ARHGAP10: variants seen among roughly 807,000 people sequenced by gnomAD.
ARHGAP10 encodes rho GTPase-activating protein 10.
A neutral mutation model predicts 108.6 loss-of-function variants in ARHGAP10; 87 were observed. The observed-to-expected ratio is 0.80, with a 90% CI of 0.67 to 0.96. The LOEUF (loss-of-function observed/expected upper bound fraction) is 0.96, where lower values mean the gene tolerates loss of function less well. Ranked by LOEUF, ARHGAP10 falls within the 40% of genes least tolerant of loss-of-function variation. The probability of loss-of-function intolerance (pLI) is 0.00; values close to 1 mark genes in which losing one functional copy is unlikely to be tolerated. For synonymous variants in ARHGAP10, 347 were observed against 341.1 expected, an observed-to-expected ratio of 1.02 and a Z score of -0.19; for missense variants, 939 against 954.5, an observed-to-expected ratio of 0.98 and a Z score of 0.21.
chr4:147,987,319 G>C (rs560733443), intron 18 of ARHGAP10, among the ~76,000 whole-genome samples: 1 of 152,192 alleles, frequency 6.6e-6, no homozygotes, highest in African/African-American at 2.4e-5. Flanking sequence ...TTGTAGAGAA[G>C]TTTTTAAAAA....
chr4:147,810,973 A>T (rs935580456), intron 1 of ARHGAP10, among the ~76,000 whole-genome samples: 2 of 152,186 alleles, frequency 1.3e-5, no homozygotes, highest in Non-Finnish European at 2.9e-5. Context: ...CCCTTCGGGG[A>T]CAAGTTTAGC....
chr4:147,902,358 T>G (rs919787241), intron 10 of ARHGAP10, among the ~76,000 whole-genome samples: 1 of 152,176 alleles, frequency 6.6e-6, no homozygotes, highest in Non-Finnish European at 1.5e-5. Context: ...TAGGATAAAT[T>G]AAATCCTTAG....
chr4:147,746,223 C>T (rs1728915038), intron 1 of ARHGAP10, among the ~76,000 whole-genome samples: 1 of 152,080 alleles, frequency 6.6e-6, no homozygotes, highest in South Asian at 2.1e-4. Flanking sequence ...TCTGCCTCAG[C>T]CTCCCGAGTA....
At chr4:147,893,791 T>C (rs980133372) in intron 10 of ARHGAP10, among the ~76,000 whole-genome samples, 2 of 152,012 alleles carry the variant, frequency 1.3e-5, no homozygotes, top group Admixed American at 6.6e-5. Flanking sequence ...GCAAAGTAAG[T>C]TATTTTAACA....
intron 13 of ARHGAP10, among the ~76,000 whole-genome samples, chr4:147,928,491 G>A (rs879921970): frequency 6.6e-6 from 1 of 152,152 alleles, no homozygotes; most frequent in Non-Finnish European, 1.5e-5. Flanking sequence ...ACAGAAATGC[G>A]TTTACACAAA....
Position 147,928,477 on chromosome 4 carries a change from C to T in ARHGAP10, c.1229-11348C>T, listed in dbSNP as rs567580171. ...CTGCTGGTGGGGAGGCTAATCATCA[C>T]AATACAGAAATGCGTTTACACAAAG... is the stretch of plus-strand genomic sequence containing the variant. On this transcript the variant is annotated intron_variant, in intron 13 of 22. Coordinates refer to ENST00000336498, the MANE Select transcript of ARHGAP10 (RefSeq NM_024605.4). Among the ~76,000 whole-genome samples the T allele has an allele frequency of 2.6e-5, 4 of 152,180 alleles. No homozygotes were observed. In the South Asian group the frequency reaches 8.3e-4, roughly 32 times the overall value.
chr4:147,982,854 C>T (rs549524271), intron 18 of ARHGAP10, among the ~76,000 whole-genome samples: 2 of 152,098 alleles, frequency 1.3e-5, no homozygotes, highest in African/African-American at 4.8e-5. Context: ...TACATAATCT[C>T]GTATTTCTCA....
In ARHGAP10 at chr4:148,047,055, A is replaced by G. The variant is rs1323129369; in HGVS notation, c.2027+4A>G. 4 of 1,613,502 alleles carry G rather than the reference A, an allele frequency of 2.5e-6. 1 individual carries two copies. In the South Asian group the frequency reaches 4.4e-5, roughly 18 times the overall value. ...TTGGAGACTGGGCATCCACTATGTA[A>G]GTAACCGTGCTTCTGTTGGGTGCTG... On this transcript the variant is annotated splice_donor_region_variant and intron_variant, in intron 20 of 22. Transcript: ENST00000336498.
chr4:147,856,281 T>C (rs934652619), intron 4 of ARHGAP10, among the ~76,000 whole-genome samples: 12 of 152,368 alleles, frequency 7.9e-5, no homozygotes, highest in African/African-American at 2.9e-4. Flanking sequence ...GAAATGTTTG[T>C]GATGTTAACC....
chr4:148,009,035 T>A (rs1021356560), intron 18 of ARHGAP10, among the ~76,000 whole-genome samples: 1 of 152,282 alleles, frequency 6.6e-6, no homozygotes, highest in Non-Finnish European at 1.5e-5. Context: ...GTTTTAAATT[T>A]TTTTTACTGT....
At chr4:148,060,348 T>C (rs1187076771) in intron 20 of ARHGAP10, among the ~76,000 whole-genome samples, 5 of 150,342 alleles carry the variant, frequency 3.3e-5, no homozygotes, top group Non-Finnish European at 4.5e-5. Context: ...ATGTTTAGTT[T>C]TTTTTTTTTT....
intron 20 of ARHGAP10, among the ~76,000 whole-genome samples, chr4:148,055,832 T>C (rs1729339807): frequency 6.6e-6 from 1 of 152,158 alleles, no homozygotes; most frequent in Non-Finnish European, 1.5e-5. Context: ...AGGAAAGCAC[T>C]GGGTATGTGT....
intron 19 of ARHGAP10, among the ~76,000 whole-genome samples, chr4:148,032,430 T>G (rs1728193859): frequency 6.7e-6 from 1 of 149,088 alleles, no homozygotes; most frequent in South Asian, 2.1e-4. Flanking sequence ...AGTTGAGATG[T>G]AAATTGGATT....
Position 147,848,091 on chromosome 4 carries a change from G to GTT in ARHGAP10, c.384+881_384+882dup, listed in dbSNP as rs59590301. On this transcript the variant is annotated intron_variant, in intron 4 of 22. Coordinates refer to ENST00000336498, the MANE Select transcript of ARHGAP10 (RefSeq NM_024605.4). ...TCCCCCCACGTGGCTGGGGATGTGA[G>GTT]TTTTTTTTTTTTTCTCTTCCTAAAA... 3.7e-3 allele frequency among the ~76,000 whole-genome samples: 543 copies of GTT among 145,774 alleles called. 2 individuals are homozygous for GTT. Among genetic ancestry groups the GTT allele is most frequent in the African/African-American group, 5.4e-3 (218 of 40,042 alleles).
intron 20 of ARHGAP10, among the ~76,000 whole-genome samples, chr4:148,050,658 C>T: frequency 6.6e-6 from 1 of 152,038 alleles, no homozygotes; most frequent in Non-Finnish European, 1.5e-5. Context: ...CAGGTGTGAG[C>T]CACCGTGCCC....
chr4:147,751,193 A>C (rs10023855), intron 1 of ARHGAP10, among the ~76,000 whole-genome samples: 1 of 142,352 alleles, frequency 7.0e-6, no homozygotes, highest in Admixed American at 6.7e-5. Flanking sequence ...CCAAAAACAA[A>C]AAAAACAAAC....
intron 4 of ARHGAP10, among the ~76,000 whole-genome samples, chr4:147,854,221 C>G (rs958378466): frequency 2.0e-5 from 3 of 152,128 alleles, no homozygotes; most frequent in African/African-American, 7.2e-5. Flanking sequence ...GTTTGGCTTC[C>G]TCGTGTTGTT....
At chr4:147,935,401 G>A (rs140992982) in intron 13 of ARHGAP10, among the ~76,000 whole-genome samples, 324 of 152,312 alleles carry the variant, frequency 2.1e-3, no homozygotes, top group Middle Eastern at 0.01. Flanking sequence ...TAGGGATTCC[G>A]TAATAAATGT....
intron 1 of ARHGAP10, among the ~76,000 whole-genome samples, chr4:147,764,303 G>C (rs1300698559): frequency 2.6e-5 from 4 of 152,024 alleles, no homozygotes; most frequent in African/African-American, 9.6e-5. Flanking sequence ...CATATTTTTA[G>C]ACTTGGAGAT....
Sources: gnomAD v4.1 joint callset for allele counts (sites outside exome capture counted in the v4.1 genomes callset) on GRCh38, gnomAD v4.1.1 for gene constraint, MANE v1.5 for transcripts, NCBI Gene and HGNC (gene_info 2026-07-23, HGNC 2026-07-21) for gene names.